Variants in RFX2 observed in about 807,000 individuals in gnomAD.
The protein encoded by RFX2 is DNA-binding protein RFX2.
In RFX2, 20 loss-of-function variants were observed where a neutral mutation model predicts 87.8. The observed-to-expected ratio is 0.23, with a 90% CI of 0.16 to 0.33. The LOEUF (loss-of-function observed/expected upper bound fraction) is 0.33, where lower values mean the gene tolerates loss of function less well. Ranked by LOEUF, RFX2 falls within the 10% of genes least tolerant of loss-of-function variation. RFX2 has a pLI of 1.00. For synonymous variants in RFX2, 397 were observed against 431.3 expected, an observed-to-expected ratio of 0.92 and a Z score of 0.98; for missense variants, 767 against 1,012.3, an observed-to-expected ratio of 0.76 and a Z score of 3.29.
chr19:6,092,374 G>A (rs1322390789), intron 1 of RFX2, among the ~76,000 whole-genome samples: 1 of 152,202 alleles, frequency 6.6e-6, no homozygotes, highest in East Asian at 1.9e-4. Context: ...TTGGGACGGA[G>A]GGTGGCCCCG....
At chr19:6,089,398 G>T (rs1292094218) in intron 1 of RFX2, among the ~76,000 whole-genome samples, 1 of 152,126 alleles carries the variant, frequency 6.6e-6, no homozygotes, top group African/African-American at 2.4e-5. Flanking sequence ...ACAGGGAAGG[G>T]GGAGGCCAGC....
rs763589544 is a variant in RFX2 at position 6,044,236 on chromosome 19, A to G, written c.137T>C (p.Met46Thr). 1.3e-6 allele frequency: 2 copies of G among 1,579,896 alleles called. No individual in the cohort carries two copies. Among genetic ancestry groups the G allele is most frequent in the African/African-American group, 1.4e-5 (1 of 73,898 alleles). ...AASSNPKGAQMQPISLPRVQQ... is the reference protein window; with the variant it reads ...AASSNPKGAQTQPISLPRVQQ... ...AACTCTGGGGAGGGAGATCGGCTGC[A>G]TCTGGGCCCCTTTGGGATTGGAGCT... The change falls in exon 3 of 18, where the codon ATG becomes ACG. Residue 46 changes from methionine to threonine, a missense_variant. By Grantham distance (81) the Met-to-Thr change is moderately conservative. Around this residue, in one of 2 missense-constraint regions of RFX2, gnomAD observed 146 missense variants for 139.2 expected, o/e 1.05. Transcript: ENST00000303657. The surrounding 1 kb of genome is among the most constrained non-coding windows in gnomAD (Gnocchi z 5.3).
chr19:6,108,711 G>T (rs2088259144), intron 1 of RFX2, among the ~76,000 whole-genome samples: 1 of 152,210 alleles, frequency 6.6e-6, no homozygotes, highest in Admixed American at 6.5e-5. Flanking sequence ...GCCTGGGGGG[G>T]CGGGGGTAAG....
intron 1 of RFX2, among the ~76,000 whole-genome samples, chr19:6,076,794 G>C (rs1183962314): frequency 6.6e-6 from 1 of 152,090 alleles, no homozygotes; most frequent in Non-Finnish European, 1.5e-5. Flanking sequence ...AAAACTCTTC[G>C]CTATTTGTGA....
rs192116086 is a variant in RFX2 at position 6,101,441 on chromosome 19, T to C, written c.-9+8952A>G. 1.8e-4 allele frequency among the ~76,000 whole-genome samples: 28 copies of C among 152,358 alleles called. No individual in the cohort carries two copies. The highest frequency in any genetic ancestry group is 5.5e-4 in the African/African-American group (23 of 41,578). ...GCCTGGGTGGAGCCCGCATACATTTTTGTGGGCTGGTAATTTTTTTGGAAA... is the reference window on the plus strand; with the variant it reads ...GCCTGGGTGGAGCCCGCATACATTTCTGTGGGCTGGTAATTTTTTTGGAAA... On this transcript the variant is annotated intron_variant, in intron 1 of 17. Coordinates refer to ENST00000303657, the MANE Select transcript of RFX2 (RefSeq NM_000635.4). This position sits in a 1 kb window ranked among gnomAD's most constrained non-coding sequence, Gnocchi z 4.9.
intron 13 of RFX2, among the ~76,000 whole-genome samples, chr19:6,003,272 C>T (rs1246799654): frequency 6.6e-6 from 1 of 151,862 alleles, no homozygotes; most frequent in Non-Finnish European, 1.5e-5. Context: ...TTGTTGTTGC[C>T]CAGGCTGGTC....
chr19:6,087,080 C>A (rs1020945426), intron 1 of RFX2, among the ~76,000 whole-genome samples: 7 of 152,078 alleles, frequency 4.6e-5, no homozygotes, highest in African/African-American at 1.7e-4. Flanking sequence ...CCAGGCAGAT[C>A]TGTGGTCTTT....
At position 6,023,395 on chromosome 19, in the gene RFX2, T is replaced by C. The variant is rs1012914213; in HGVS notation, c.597+2768A>G. Among the ~76,000 whole-genome samples, 16 of 152,206 alleles carry C rather than the reference T, an allele frequency of 1.1e-4. No homozygotes were observed. Among genetic ancestry groups the C allele is most frequent in the Non-Finnish European group, 1.8e-4 (12 of 68,024 alleles). Reference sequence around the variant, plus strand: ...CCACAGGCAGCCCTGGGGACAATCGTTGCAAGGGCACGTCACCCCGTCCAT... The same window carrying C: ...CCACAGGCAGCCCTGGGGACAATCGCTGCAAGGGCACGTCACCCCGTCCAT... On this transcript the variant is annotated intron_variant, in intron 6 of 17. Coordinates refer to ENST00000303657, the MANE Select transcript of RFX2 (RefSeq NM_000635.4). This position sits in a 1 kb window ranked among gnomAD's most constrained non-coding sequence, Gnocchi z 4.9.
chr19:6,038,637 A>G (rs1264860919), intron 5 of RFX2, among the ~76,000 whole-genome samples: 11 of 152,202 alleles, frequency 7.2e-5, no homozygotes, highest in Admixed American at 4.6e-4. Flanking sequence ...AAACTCAACC[A>G]TAAGAAAACA....
chr19:6,059,980 A>C (rs576848858), intron 1 of RFX2, among the ~76,000 whole-genome samples: 40 of 152,316 alleles, frequency 2.6e-4, no homozygotes, highest in Admixed American at 6.5e-4. Flanking sequence ...GCCTGTGTTC[A>C]CACATCCACA....
At chr19:6,072,673 C>G in intron 1 of RFX2, 1 of 377,444 alleles carries the variant, frequency 2.6e-6, no homozygotes, top group Non-Finnish European at 5.0e-6. Flanking sequence ...CCACTGCACT[C>G]CAGCCTGGGC....
intron 1 of RFX2, among the ~76,000 whole-genome samples, chr19:6,052,612 A>G (rs569781375): frequency 6.6e-6 from 1 of 152,348 alleles, no homozygotes; most frequent in South Asian, 2.1e-4. Flanking sequence ...TGCACATGGA[A>G]TATTCACTGT....
Position 5,997,474 on chromosome 19 carries a change from GC to G in RFX2, c.1860-262del. The G allele has an allele frequency of 2.4e-6, 1 of 422,092 alleles. No individual in the cohort carries two copies. The highest frequency in any genetic ancestry group is 4.2e-6 in the Non-Finnish European group (1 of 237,676). The allele number at this position is 422,092 out of a possible 1,614,324, so 26.1% of individuals were successfully genotyped here. A position where few individuals can be genotyped will look rare whatever the true frequency, so the allele number is the denominator to read the frequency against. ...AACAGGAGAGGGAGATGGGCAGTCA[GC>G]CCCAAAGCGACAGGCTGCGGGAAAC... On this transcript the variant is annotated intron_variant, in intron 15 of 17. Transcript: ENST00000303657. This position sits in a 1 kb window ranked among gnomAD's most constrained non-coding sequence, Gnocchi z 4.2.
intron 1 of RFX2, among the ~76,000 whole-genome samples, chr19:6,079,278 T>C (rs2087742802): frequency 6.6e-6 from 1 of 152,144 alleles, no homozygotes; most frequent in African/African-American, 2.4e-5. Context: ...TAATTCAACA[T>C]CCATCATGAA....
In RFX2 at chr19:6,008,159, C is replaced by A. The variant is rs559596425; in HGVS notation, c.1081G>T (p.Val361Phe). The part of the protein sequence containing the change: ...DLGSFLLQDG[V>F]TLHDVKALQL... ...AGGGCCTTGACGTCGTGCAGTGTGA[C>A]GCCGTCCTGCAGCAGGAAGCTGCCC... The change falls in exon 10 of 18, where the codon GTC becomes TTC. Residue 361 changes from valine to phenylalanine, a missense_variant. Transcript: ENST00000303657. The A allele has an allele frequency of 3.9e-6, 6 of 1,556,464 alleles. No homozygotes were observed. The Admixed American group carries it at 1.2e-4, about 31-fold the overall frequency.
At chr19:6,041,014 A>C (rs1362500662) in intron 4 of RFX2, among the ~76,000 whole-genome samples, 1 of 152,210 alleles carries the variant, frequency 6.6e-6, no homozygotes, top group East Asian at 1.9e-4. Context: ...GGTAGAACTG[A>C]ATAAGGCCTG....
chr19:6,004,154 C>G lies in RFX2; in HGVS notation c.1500+47G>C. 7.1e-7 allele frequency: 1 copy of G among 1,401,814 alleles called. No homozygotes were observed. The highest frequency in any genetic ancestry group is 1.0e-6 in the Non-Finnish European group (1 of 986,928). 86.8% of individuals were successfully genotyped at this position (1,401,814 alleles called of 1,614,324 possible). ...GTCCTCATGCTGTCCTGGACTGGAG[C>G]CCCTCCCAGCCATCGTTGGGGAGCC... On this transcript the variant is annotated intron_variant, in intron 13 of 17. Coordinates refer to ENST00000303657, the MANE Select transcript of RFX2 (RefSeq NM_000635.4). The surrounding 1 kb of genome is among the most constrained non-coding windows in gnomAD (Gnocchi z 4.8).
In RFX2 at chr19:6,061,458, C is replaced by A. The variant is rs2087429430; in HGVS notation, c.-8-13954G>T. On this transcript the variant is annotated intron_variant, in intron 1 of 17. Coordinates refer to ENST00000303657, the MANE Select transcript of RFX2 (RefSeq NM_000635.4). This position sits in a 1 kb window ranked among gnomAD's most constrained non-coding sequence, Gnocchi z 5.2. ...CCTTCTTTAGAGGGTTGGAGCCTAC[C>A]CTTCACACTTACAAGTCTGGCTGAT... 6.6e-6 allele frequency among the ~76,000 whole-genome samples: 1 copy of A among 152,124 alleles called. No individual in the cohort carries two copies. The highest frequency in any genetic ancestry group is 1.5e-5 in the Non-Finnish European group (1 of 68,012).
In RFX2 at chr19:6,040,320, A is replaced by G. The variant is rs1347883801; in HGVS notation, c.261-79T>C. The G allele has an allele frequency of 1.2e-5, 17 of 1,429,972 alleles. No homozygotes were observed. The highest frequency in any genetic ancestry group is 1.6e-5 in the Non-Finnish European group (17 of 1,072,300). The allele number at this position is 1,429,972 out of a possible 1,614,324, so 88.6% of individuals were successfully genotyped here. A position where few individuals can be genotyped will look rare whatever the true frequency, so the allele number is the denominator to read the frequency against. On this transcript the variant is annotated intron_variant, in intron 4 of 17. Transcript: ENST00000303657. The surrounding 1 kb of genome is among the most constrained non-coding windows in gnomAD (Gnocchi z 6.1). The stretch of plus-strand genomic sequence containing the variant: ...TCTGAGTTCACAGATATCCAGCCAA[A>G]CATCACGTAAAAGCTGCAACCCAGA...
Sources: gnomAD v4.1 joint callset for allele counts (sites outside exome capture counted in the v4.1 genomes callset) on GRCh38, gnomAD v4.1.1 for gene constraint, gnomAD v4.1.1 regional missense constraint, Gnocchi (gnomAD v3.1) non-coding constraint, MANE v1.5 for transcripts, NCBI Gene and HGNC (gene_info 2026-07-23, HGNC 2026-07-21) for gene names.